The following SLC71A2 variants were observed in gnomAD, a reference collection of about 807,000 sequenced individuals.
SLC71A2 encodes solute carrier family 71 member 2.
the SLC71A2 span, among the ~76,000 whole-genome samples, chr9:94,436,191 A>T: frequency 6.6e-6 from 1 of 152,086 alleles, no homozygotes; most frequent in Non-Finnish European, 1.5e-5. Flanking sequence ...CCATGATTGG[A>T]TGAATCTACA....
At chr9:94,400,054 G>A in the SLC71A2 span, among the ~76,000 whole-genome samples, 13 of 151,964 alleles carry the variant, frequency 8.6e-5, no homozygotes, top group Non-Finnish European at 1.6e-4. Context: ...CAAGTGATCC[G>A]CCCGTCTAGG....
chr9:94,381,533 G>A, the SLC71A2 span, among the ~76,000 whole-genome samples: 1 of 152,206 alleles, frequency 6.6e-6, no homozygotes, highest in African/African-American at 2.4e-5. Flanking sequence ...CTTGTTGATG[G>A]ACTTTCGGCT....
At chr9:94,447,183 CTT>C in the SLC71A2 span, among the ~76,000 whole-genome samples, 3 of 145,426 alleles carry the variant, frequency 2.1e-5, no homozygotes, top group Non-Finnish European at 4.6e-5. Context: ...CATAATTTAT[CTT>C]TTTTTTTTTT....
the SLC71A2 span, among the ~76,000 whole-genome samples, chr9:94,434,022 A>C: frequency 6.6e-6 from 1 of 152,016 alleles, no homozygotes; most frequent in South Asian, 2.1e-4. Flanking sequence ...TGCTAATACA[A>C]CTTTTCAGTC....
the SLC71A2 span, among the ~76,000 whole-genome samples, chr9:94,389,056 G>C: frequency 6.6e-6 from 1 of 151,836 alleles, no homozygotes; most frequent in African/African-American, 2.4e-5. Context: ...AGGGGCCTTA[G>C]ACGCCAGTCC....
At chr9:94,450,026 AG>A in the SLC71A2 span, among the ~76,000 whole-genome samples, 2 of 152,224 alleles carry the variant, frequency 1.3e-5, no homozygotes, top group Non-Finnish European at 2.9e-5. Context: ...CCATAGGGAC[AG>A]GAAGTAGACT....
the SLC71A2 span, among the ~76,000 whole-genome samples, chr9:94,444,424 A>G: frequency 4.0e-4 from 61 of 152,252 alleles, no homozygotes; most frequent in African/African-American, 1.4e-3. Flanking sequence ...TTTTTCTAAG[A>G]ATAGCAGAGG....
At chr9:94,392,469 G>T in the SLC71A2 span, among the ~76,000 whole-genome samples, 908 of 151,992 alleles carry the variant, frequency 6.0e-3, 7 homozygotes, top group African/African-American at 0.02. Context: ...CTGAAAGATT[G>T]CAGTATAGTG....
chr9:94,426,023 G>A, the SLC71A2 span, among the ~76,000 whole-genome samples: 3 of 151,804 alleles, frequency 2.0e-5, no homozygotes, highest in Non-Finnish European at 4.4e-5. Flanking sequence ...TAGTTCTTCA[G>A]CCCAGGTGGA....
the SLC71A2 span, chr9:94,415,071 A>G: frequency 2.0e-6 from 2 of 1,015,718 alleles, no homozygotes; most frequent in Admixed American, 4.2e-5. Context: ...TTTTTTACAC[A>G]TTTTTACACA....
chr9:94,425,562 C>G, the SLC71A2 span, among the ~76,000 whole-genome samples: 1 of 152,112 alleles, frequency 6.6e-6, no homozygotes, highest in Non-Finnish European at 1.5e-5. Flanking sequence ...GCCACAAGAT[C>G]AGATGAGCCA....
the SLC71A2 span, among the ~76,000 whole-genome samples, chr9:94,399,442 C>T: frequency 1.3e-5 from 2 of 152,006 alleles, no homozygotes; most frequent in South Asian, 4.1e-4. Flanking sequence ...ATAATACACA[C>T]ATTTGTAAGT....
chr9:94,455,156 CTTTTTTTTTTT>C, the SLC71A2 span, among the ~76,000 whole-genome samples: 1 of 27,686 alleles, frequency 3.6e-5, no homozygotes, highest in East Asian at 5.6e-4. Context: ...TTGCTCTTTC[CTTTTTTTTTTT>C]TTTTTTTTTT....
At chr9:94,453,794 C>T in the SLC71A2 span, among the ~76,000 whole-genome samples, 10 of 152,130 alleles carry the variant, frequency 6.6e-5, no homozygotes, top group Non-Finnish European at 1.3e-4. Context: ...CAACACTCCA[C>T]CCCTGTAGAA....
the SLC71A2 span, among the ~76,000 whole-genome samples, chr9:94,402,017 G>T: frequency 6.6e-6 from 1 of 152,156 alleles, no homozygotes; most frequent in Non-Finnish European, 1.5e-5. Flanking sequence ...GCACTGGTGG[G>T]AGTATAGCAG....
At chr9:94,419,600 C>T in the SLC71A2 span, among the ~76,000 whole-genome samples, 59 of 152,078 alleles carry the variant, frequency 3.9e-4, 1 homozygote, top group Non-Finnish European at 1.5e-4. Flanking sequence ...CCACTGCACC[C>T]GGCCTTTTGT....
chr9:94,408,536 G>T, the SLC71A2 span, among the ~76,000 whole-genome samples: 1 of 151,974 alleles, frequency 6.6e-6, no homozygotes, highest in Non-Finnish European at 1.5e-5. Flanking sequence ...CTCCTTACTA[G>T]TTATAGGTCT....
chr9:94,451,681 GTATAA>G, the SLC71A2 span, among the ~76,000 whole-genome samples: 1 of 152,198 alleles, frequency 6.6e-6, no homozygotes, highest in Non-Finnish European at 1.5e-5. Flanking sequence ...GCAAGCTATA[GTATAA>G]TATCAGATCA....
the SLC71A2 span, among the ~76,000 whole-genome samples, chr9:94,387,228 T>G: frequency 6.6e-6 from 1 of 152,190 alleles, no homozygotes; most frequent in East Asian, 1.9e-4. Flanking sequence ...ACCATCTTCA[T>G]TTTCCTGTGC....
Sources: allele counts gnomAD v4.1 joint callset (sites outside exome capture counted in the v4.1 genomes callset), GRCh38; gene constraint gnomAD v4.1.1; transcripts MANE v1.5; gene names NCBI Gene and HGNC (gene_info 2026-07-23, HGNC 2026-07-21).